AKAP13: variants seen among roughly 807,000 people sequenced by gnomAD.
AKAP13 encodes A-kinase anchoring protein 13.
In AKAP13, 80 loss-of-function variants were observed where a neutral mutation model predicts 264.5. The observed-to-expected ratio is 0.30, with a 90% confidence interval of 0.25 to 0.36. The LOEUF is 0.36. AKAP13 is among the 10% of genes least tolerant of loss of function. The pLI is 1.00. For synonymous variants in AKAP13, 1,380 were observed against 1,250.2 expected (o/e 1.10, Z -2.19); for missense variants, 3,712 against 3,435.2 (o/e 1.08, Z -2.01).
chr15:85,442,421 A>ACAT (rs370698661), intron 1 of AKAP13, among the ~76,000 whole-genome samples: 88 of 114,768 alleles, frequency 7.7e-4, no homozygotes, highest in African/African-American at 2.5e-3. Flanking sequence ...AAAAAAAAAA[A>ACAT]AAATATATAT....
chr15:85,504,694 CAAAAAAAAA>C (rs60149423), intron 2 of AKAP13, among the ~76,000 whole-genome samples: 32 of 105,722 alleles, frequency 3.0e-4, no homozygotes, highest in Non-Finnish European at 3.5e-4. Flanking sequence ...ACCCTGTCTC[CAAAAAAAAA>C]AAAAAAAAAA....
In AKAP13 at chr15:85,629,025, C is replaced by T. The variant is rs138156754; in HGVS notation, c.4162-10349C>T. Among the ~76,000 whole-genome samples the T allele has an allele frequency of 6.3e-3, 957 of 152,156 alleles. 10 individuals are homozygous for T. The highest frequency in any genetic ancestry group is 0.022 in the African/African-American group (900 of 41,500). On this transcript the variant is annotated intron_variant, in intron 8 of 36. Transcript: ENST00000394518. ...CTAAGCAACATTGTGAGACCCCTGC[C>T]TCTCCAAAAAAATTTTTAAAAAACA...
chr15:85,510,968 G>T (rs796427076), intron 2 of AKAP13, among the ~76,000 whole-genome samples: 30 of 152,048 alleles, frequency 2.0e-4, no homozygotes, highest in African/African-American at 7.2e-4. Context: ...GTTCCTCTTG[G>T]GTCCATAGGG....
chr15:85,708,964 C>T lies in AKAP13; in HGVS notation c.5532+878C>T, dbSNP rs1300310303. On this transcript the variant is annotated intron_variant, in intron 18 of 36. Transcript: ENST00000394518. The surrounding 1 kb of genome is among the most constrained non-coding windows in gnomAD (Gnocchi z 4.3). ...GGAATTTGCATTTCTAGTAAGTTCCCAGATGATGCTGATAGTCCGAGGACC... is the reference window on the plus strand; with the variant it reads ...GGAATTTGCATTTCTAGTAAGTTCCTAGATGATGCTGATAGTCCGAGGACC... Among the ~76,000 whole-genome samples the T allele has an allele frequency of 2.6e-5, 4 of 152,096 alleles. No individual in the cohort carries two copies. The East Asian group carries it at 5.8e-4, about 22-fold the overall frequency.
rs988477190 is a variant in AKAP13, at chr15:85,708,936, C to A, written c.5532+850C>A. Among the ~76,000 whole-genome samples the A allele has an allele frequency of 6.6e-6, 1 of 152,108 alleles. No homozygotes were observed. The highest frequency in any genetic ancestry group is 1.5e-5 in the Non-Finnish European group (1 of 68,020). ...AGAGTCTCAGATTCTGGGGGAGAGTCCAGGAATTTGCATTTCTAGTAAGTT... is the reference window on the plus strand; with the variant it reads ...AGAGTCTCAGATTCTGGGGGAGAGTACAGGAATTTGCATTTCTAGTAAGTT... On this transcript the variant is annotated intron_variant, in intron 18 of 36. Transcript: ENST00000394518. The surrounding 1 kb of genome is among the most constrained non-coding windows in gnomAD (Gnocchi z 4.3).
At chr15:85,651,086 T>A (rs2082817408) in intron 10 of AKAP13, among the ~76,000 whole-genome samples, 2 of 152,194 alleles carry the variant, frequency 1.3e-5, no homozygotes, top group South Asian at 4.1e-4. Flanking sequence ...AGTAATAAGA[T>A]ATAAAGTATG....
intron 8 of AKAP13, among the ~76,000 whole-genome samples, chr15:85,634,045 G>A (rs567155288): frequency 1.3e-5 from 2 of 152,138 alleles, no homozygotes; most frequent in South Asian, 4.2e-4. Context: ...TAAATTTTTG[G>A]CATCATTTTG....
chr15:85,645,674 A>T (rs1427654322), intron 9 of AKAP13, 144 bp from the exon 10 acceptor site: 1 of 878,446 alleles, frequency 1.1e-6, no homozygotes, highest in Non-Finnish European at 1.6e-6. Context: ...TTTGAAAAAA[A>T]GAAATAAGGA....
intron 20 of AKAP13, 58 bp downstream of exon 20, chr15:85,715,981 A>G (rs1011811727): frequency 3.2e-5 from 50 of 1,558,878 alleles, no homozygotes; most frequent in Non-Finnish European, 4.0e-5. Context: ...GAGCATAATA[A>G]TCACATCATA....
At chr15:85,593,530 A>AT (rs1471374350) in intron 8 of AKAP13, among the ~76,000 whole-genome samples, 5 of 114,028 alleles carry the variant, frequency 4.4e-5, no homozygotes, top group Admixed American at 2.8e-4. Context: ...ACCATGTGGG[A>AT]ATTTTTTTTT....
intron 30 of AKAP13, among the ~76,000 whole-genome samples, chr15:85,734,625 A>T (rs931668310): frequency 2.6e-5 from 4 of 152,232 alleles, no homozygotes; most frequent in Admixed American, 2.6e-4. Context: ...CAAAGCCAGA[A>T]ATCCTGACTG....
Position 85,581,626 on chromosome 15 carries a change from C to T in AKAP13, c.3558C>T (p.Val1186=), listed in dbSNP as rs2079143513. ...AAATAGACGATGAAGCACATCCTGT[C>T]CTACTGCAGCCTGTTGCCAAGGAGC... is the stretch of plus-strand genomic sequence containing the variant. ...EAQIDDEAHP[V]LLQPVAKELP... The change falls in exon 7 of 37, where the codon GTC becomes GTT. Residue 1186 remains valine (V), a synonymous_variant. Coordinates refer to ENST00000394518, the MANE Select transcript of AKAP13 (RefSeq NM_007200.5). The T allele has an allele frequency of 6.2e-7, 1 of 1,614,176 alleles. No homozygotes were observed. Among genetic ancestry groups the T allele is most frequent in the Non-Finnish European group, 8.5e-7 (1 of 1,180,036 alleles).
At chr15:85,739,658 C>G (rs1034860962) in intron 33 of AKAP13, among the ~76,000 whole-genome samples, 1 of 152,204 alleles carries the variant, frequency 6.6e-6, no homozygotes, top group South Asian at 2.1e-4. Flanking sequence ...GAAAACAGTT[C>G]TAGTTCCTTC....
At position 85,718,821 on chromosome 15, in the gene AKAP13, G is replaced by A; in HGVS notation, c.6002-255G>A. ...AGGCTAAAGCAGAAAGATCGCTTGA[G>A]CCCAGGAGGTTGAGGCTGCAATGAG... On this transcript the variant is annotated intron_variant, in intron 22 of 36. Coordinates refer to ENST00000394518, the MANE Select transcript of AKAP13 (RefSeq NM_007200.5). This position sits in a 1 kb window ranked among gnomAD's most constrained non-coding sequence, Gnocchi z 4.9. The A allele has an allele frequency of 2.3e-6, 1 of 438,644 alleles. No individual in the cohort carries two copies. The highest frequency in any genetic ancestry group is 4.2e-6 in the Non-Finnish European group (1 of 239,844). 27.2% of individuals were successfully genotyped at this position (438,644 alleles called of 1,614,324 possible).
intron 2 of AKAP13, among the ~76,000 whole-genome samples, chr15:85,490,350 G>T (rs1308815579): frequency 6.6e-6 from 1 of 152,190 alleles, no homozygotes; most frequent in African/African-American, 2.4e-5. Context: ...TGATGATCTT[G>T]TTCTTTACAC....
intron 16 of AKAP13, among the ~76,000 whole-genome samples, chr15:85,692,173 A>C (rs1054840474): frequency 6.6e-6 from 1 of 152,118 alleles, no homozygotes; most frequent in African/African-American, 2.4e-5. Context: ...TTCCCTGCTC[A>C]CATCAAAACT....
chr15:85,390,161 G>A (rs563509446), intron 1 of AKAP13, among the ~76,000 whole-genome samples: 1 of 152,274 alleles, frequency 6.6e-6, no homozygotes, highest in African/African-American at 2.4e-5. Context: ...CTAGGTAATG[G>A]GAATTCAGTG....
At chr15:85,680,893 C>G (rs1213842701) in intron 14 of AKAP13, among the ~76,000 whole-genome samples, 5 of 152,312 alleles carry the variant, frequency 3.3e-5, no homozygotes, top group African/African-American at 1.2e-4. Context: ...TCTCGGCTCA[C>G]TGCAACCTCG....
At chr15:85,410,970 G>A (rs146129204) in intron 1 of AKAP13, among the ~76,000 whole-genome samples, 9 of 148,672 alleles carry the variant, frequency 6.1e-5, no homozygotes, top group South Asian at 4.1e-4. Flanking sequence ...TTCTACACAC[G>A]TAGGTAATTG....
Sources: gnomAD v4.1 joint callset for allele counts (sites outside exome capture counted in the v4.1 genomes callset) on GRCh38, gnomAD v4.1.1 for gene constraint, Gnocchi (gnomAD v3.1) non-coding constraint, MANE v1.5 for transcripts, NCBI Gene and HGNC (gene_info 2026-07-23, HGNC 2026-07-21) for gene names.